The following ZNF423 variants were observed in gnomAD, a reference collection of about 807,000 sequenced individuals.
ZNF423 encodes the protein Ebf-associated zinc finger protein.
A neutral mutation model predicts 95.8 loss-of-function variants in ZNF423; 12 were observed. The ratio of observed to expected loss-of-function variants is 0.13; its 90% CI spans 0.08 to 0.20. The LOEUF (loss-of-function observed/expected upper bound fraction) is 0.20, where lower values mean the gene tolerates loss of function less well. Ranked by LOEUF, ZNF423 falls within the 10% of genes least tolerant of loss-of-function variation. The pLI is 1.00. For missense variants in ZNF423, 1,316 were observed against 1,737.1 expected, an observed-to-expected ratio of 0.76 and a Z score of 4.31; for synonymous variants, 749 against 711.9, an observed-to-expected ratio of 1.05 and a Z score of -0.83.
intron 1 of ZNF423, among the ~76,000 whole-genome samples, chr16:49,851,947 A>G (rs953214756): frequency 3.3e-5 from 5 of 152,200 alleles, no homozygotes; most frequent in African/African-American, 1.2e-4. Context: ...ATAGAAAGCT[A>G]AAGACCCTAT....
intron 3 of ZNF423, among the ~76,000 whole-genome samples, chr16:49,674,934 A>G (rs8062654): frequency 0.14 from 21,044 of 152,112 alleles, 1,851 homozygotes; most frequent in South Asian, 0.31. Context: ...AGAAAACTCC[A>G]GCACACCAAG....
At chr16:49,497,346 C>G (rs1967203969) in intron 7 of ZNF423, among the ~76,000 whole-genome samples, 2 of 152,236 alleles carry the variant, frequency 1.3e-5, no homozygotes, top group Non-Finnish European at 2.9e-5. Flanking sequence ...CCAGCGCCCT[C>G]CCGTGAGGAG....
At position 49,841,104 on chromosome 16, in the gene ZNF423, A is replaced by G. The variant is rs562416158; in HGVS notation, c.40+14631T>C. ...CACCTCTCTCCTGGGAGTAGAGCCC[A>G]TTTCAAAGGAAAAGAAACTGAGGCT... On this transcript the variant is annotated intron_variant, in intron 1 of 7. Transcript: ENST00000563137. Among the ~76,000 whole-genome samples, 10 of 152,332 alleles carry G rather than the reference A, an allele frequency of 6.6e-5. No homozygotes were observed. In the East Asian group the frequency reaches 1.9e-3, roughly 29 times the overall value.
rs369646519 is a variant in ZNF423 at position 49,491,297 on chromosome 16, G to A, written c.3857C>T (p.Thr1286Met). Residue 1286 changes from threonine to methionine, a missense_variant, in exon 8 of 8, where the codon ACG (threonine) becomes ATG (methionine). Transcript: ENST00000563137. ...FFFQTELQNH[T>M]MSQHAQ is the part of the protein sequence containing the mutation. ...CCCTCACTGTGCGTGCTGGCTCATC[G>A]TGTGGTTCTGCAAAGGCGAAGAAAG... 1.2e-6 allele frequency: 2 copies of A among 1,613,924 alleles called. No individual in the cohort carries two copies. Among genetic ancestry groups the A allele is most frequent in the Non-Finnish European group, 1.7e-6 (2 of 1,180,042 alleles).
intron 5 of ZNF423, among the ~76,000 whole-genome samples, chr16:49,549,661 T>C (rs1230966141): frequency 6.6e-6 from 1 of 152,204 alleles, no homozygotes; most frequent in African/African-American, 2.4e-5. Flanking sequence ...CTGAATACTT[T>C]ACATAAATTC....
intron 5 of ZNF423, among the ~76,000 whole-genome samples, chr16:49,593,203 T>C (rs1018497910): frequency 2.6e-5 from 4 of 152,108 alleles, no homozygotes; most frequent in African/African-American, 9.7e-5. Flanking sequence ...CTCAGTGCTT[T>C]GGGAGGATCA....
chr16:49,846,279 G>A (rs1402441031), intron 1 of ZNF423, among the ~76,000 whole-genome samples: 1 of 129,934 alleles, frequency 7.7e-6, no homozygotes, highest in African/African-American at 3.0e-5. Flanking sequence ...CAGCCTGGCT[G>A]ACAGAGCAAG....
Position 49,855,585 on chromosome 16 carries a change from T to C in ZNF423, c.40+150A>G. The C allele has an allele frequency of 5.6e-6, 1 of 178,512 alleles. No individual in the cohort carries two copies. Among genetic ancestry groups the C allele is most frequent in the South Asian group, 1.0e-4 (1 of 9,894 alleles). The allele number at this position is 178,512 out of a possible 1,614,324, so 11.1% of individuals were successfully genotyped here. On this transcript the variant is annotated intron_variant, in intron 1 of 7. Coordinates refer to ENST00000563137, the MANE Select transcript of ZNF423 (RefSeq NM_001379286.1). This position sits in a 1 kb window ranked among gnomAD's most constrained non-coding sequence, Gnocchi z 4.7. The stretch of plus-strand genomic sequence containing the variant: ...CTCCTCCCCCTCCTCCGCCTCCGCC[T>C]CCGCCTCCGCCTCCTCTGCCGCCTC...
At chr16:49,629,645 G>A (rs975140614) in intron 4 of ZNF423, among the ~76,000 whole-genome samples, 1 of 152,212 alleles carries the variant, frequency 6.6e-6, no homozygotes, top group Non-Finnish European at 1.5e-5. Context: ...AGGGTGGATT[G>A]GTTCATCTGC....
rs556113597 is a variant in ZNF423, at chr16:49,737,412, G to A, written c.101-6441C>T. ...AGCCTCCTGAGTAGCTGGGATTACA[G>A]GCAAGCACCATCATGCCTGGCTAAT... On this transcript the variant is annotated intron_variant, in intron 2 of 7. Coordinates refer to ENST00000563137, the MANE Select transcript of ZNF423 (RefSeq NM_001379286.1). Among the ~76,000 whole-genome samples the A allele has an allele frequency of 3.5e-4, 53 of 152,294 alleles. 2 individuals carry two copies. The highest frequency in any genetic ancestry group is 1.2e-3 in the African/African-American group (50 of 41,562).
chr16:49,548,489 A>C (rs981998130), intron 5 of ZNF423, among the ~76,000 whole-genome samples: 2 of 152,130 alleles, frequency 1.3e-5, no homozygotes, highest in African/African-American at 4.8e-5. Context: ...ACACCAGTGT[A>C]CTAGTTGTAA....
chr16:49,684,485 G>A (rs1474956278), intron 3 of ZNF423, among the ~76,000 whole-genome samples: 1 of 152,204 alleles, frequency 6.6e-6, no homozygotes, highest in Non-Finnish European at 1.5e-5. Flanking sequence ...TCTATGGTGG[G>A]TGCCTGATGT....
At chr16:49,757,195 A>G (rs1302915929) in intron 2 of ZNF423, among the ~76,000 whole-genome samples, 2 of 152,232 alleles carry the variant, frequency 1.3e-5, no homozygotes, top group African/African-American at 4.8e-5. Context: ...ATCAACGCTT[A>G]TTTATAAATG....
intron 3 of ZNF423, among the ~76,000 whole-genome samples, chr16:49,669,106 G>A (rs545809839): frequency 6.6e-6 from 1 of 152,202 alleles, no homozygotes; most frequent in East Asian, 1.9e-4. Flanking sequence ...GAGGCAGGCA[G>A]ATCACCTGAG....
chr16:49,856,751 T>A (rs1008668937), upstream of ZNF423, among the ~76,000 whole-genome samples: 1 of 145,898 alleles, frequency 6.9e-6, no homozygotes, highest in Non-Finnish European at 1.5e-5. Context: ...GCTCAGCCCG[T>A]GCGCCGGGCC....
chr16:49,829,793 G>A (rs2144052340), intron 1 of ZNF423, among the ~76,000 whole-genome samples: 1 of 152,298 alleles, frequency 6.6e-6, no homozygotes, highest in East Asian at 1.9e-4. Context: ...AAGAAGAAAT[G>A]TGGGGGCTCC....
intron 3 of ZNF423, among the ~76,000 whole-genome samples, chr16:49,642,089 A>G (rs1567527224): frequency 1.3e-5 from 2 of 152,260 alleles, no homozygotes; most frequent in Non-Finnish European, 2.9e-5. Context: ...AGTGCTAACA[A>G]TATTAACAGC....
chr16:49,682,863 C>T (rs377134278), intron 3 of ZNF423, among the ~76,000 whole-genome samples: 122 of 152,312 alleles, frequency 8.0e-4, no homozygotes, highest in African/African-American at 2.8e-3. Flanking sequence ...TGTGTATTGG[C>T]GGCTCTGAGT....
chr16:49,500,360 G>A (rs1967345721), intron 7 of ZNF423, among the ~76,000 whole-genome samples: 1 of 152,216 alleles, frequency 6.6e-6, no homozygotes, highest in African/African-American at 2.4e-5. Flanking sequence ...CCCCTCCTGG[G>A]TAGAAATGCT....
Sources: gnomAD v4.1 joint callset for allele counts (sites outside exome capture counted in the v4.1 genomes callset) on GRCh38, gnomAD v4.1.1 for gene constraint, Gnocchi (gnomAD v3.1) non-coding constraint, MANE v1.5 for transcripts, NCBI Gene and HGNC (gene_info 2026-07-23, HGNC 2026-07-21) for gene names.